Variants in MYOM3 observed in about 807,000 individuals in gnomAD.
MYOM3 encodes the protein myomesin 3.
In MYOM3, 155 loss-of-function variants were observed where a neutral mutation model predicts 191.7. That is an observed-to-expected ratio of 0.81 (90% confidence interval 0.71 to 0.92). The LOEUF (loss-of-function observed/expected upper bound fraction) is 0.92. MYOM3 is among the 40% of genes least tolerant of loss of function. MYOM3 has a pLI of 0.00. For missense variants in MYOM3, 1,889 were observed against 1,890.6 expected (o/e 1.00, Z 0.02); for synonymous variants, 757 against 762.9 (o/e 0.99, Z 0.13).
chr1:24,082,678 G>T lies in MYOM3; in HGVS notation c.2007C>A (p.Tyr669Ter). 1.9e-6 allele frequency: 3 copies of T among 1,611,562 alleles called. No individual in the cohort carries two copies. The highest frequency in any genetic ancestry group is 1.1e-5 in the South Asian group (1 of 90,498). ...CGCTGACTGACCTGACACAAAACTCGTACTCCTTCCCCGTCCTCAGCCCGG... is the reference window on the plus strand; with the variant it reads ...CGCTGACTGACCTGACACAAAACTCTTACTCCTTCCCCGTCCTCAGCCCGG... Reference protein sequence around the residue: ...TVPGLRTGKEYEFCVRSVSEA... With the variant: ...TVPGLRTGKE The change falls in exon 17 of 37, where the codon TAC becomes TAA. Residue 669 changes from tyrosine to a stop codon, truncating the protein, a stop_gained. Coordinates refer to ENST00000374434, the MANE Select transcript of MYOM3 (RefSeq NM_152372.4). LOFTEE classifies it high-confidence loss of function.
At chr1:24,083,858 T>C (rs964280698) in intron 16 of MYOM3, 49 of 152,844 alleles carry the variant, frequency 3.2e-4, no homozygotes, top group African/African-American at 1.2e-3. Context: ...GCAAGTTATG[T>C]AACCTCTCCA....
chr1:24,100,909 A>G (rs1000215079), intron 5 of MYOM3, among the ~76,000 whole-genome samples: 1 of 151,816 alleles, frequency 6.6e-6, no homozygotes, highest in South Asian at 2.1e-4. Flanking sequence ...AAAGGAAAAA[A>G]TCTCCATGTT....
intron 5 of MYOM3, among the ~76,000 whole-genome samples, chr1:24,100,959 A>T (rs1361319607): frequency 2.6e-5 from 4 of 152,002 alleles, no homozygotes; most frequent in African/African-American, 9.7e-5. Context: ...TGTATCGGAA[A>T]CTGCTAATTA....
At chr1:24,095,371 G>C in intron 8 of MYOM3, 71 bp downstream of exon 8, 1 of 1,436,780 alleles carries the variant, frequency 7.0e-7, no homozygotes. Context: ...ATTCTAAACA[G>C]GGACTGTGGG....
intron 5 of MYOM3, among the ~76,000 whole-genome samples, 199 bp downstream of exon 5, chr1:24,105,721 G>A (rs1232457167): frequency 3.9e-5 from 6 of 152,184 alleles, no homozygotes; most frequent in South Asian, 4.1e-4. Flanking sequence ...TTACTCCACT[G>A]CACACAGCAG....
chr1:24,077,245 A>G (rs1643612528), intron 20 of MYOM3, among the ~76,000 whole-genome samples: 1 of 151,626 alleles, frequency 6.6e-6, no homozygotes, highest in Non-Finnish European at 1.5e-5. Flanking sequence ...CTGCCCTGGG[A>G]CTCTTCTCCC....
At chr1:24,105,358 G>A (rs556963669) in intron 5 of MYOM3, among the ~76,000 whole-genome samples, 102 of 152,316 alleles carry the variant, frequency 6.7e-4, no homozygotes, top group African/African-American at 2.0e-3. Context: ...GGAACACAAG[G>A]TTCTCGCTAC....
Position 24,063,599 on chromosome 1 carries a change from A to C in MYOM3, c.3623-69T>G. 3 of 1,583,764 alleles carry C rather than the reference A, an allele frequency of 1.9e-6. No homozygotes were observed. The highest frequency in any genetic ancestry group is 2.6e-6 in the Non-Finnish European group (3 of 1,153,958). ...CTAGGGATGTGCTAGGAGTGGGGAC[A>C]TCCTAGAAAAAGGCTGGTGGAGCCC... On this transcript the variant is annotated intron_variant, in intron 30 of 36. Transcript: ENST00000374434. This position sits in a 1 kb window ranked among gnomAD's most constrained non-coding sequence, Gnocchi z 4.5.
In MYOM3 at chr1:24,065,639, T is replaced by C. The variant is rs911128660; in HGVS notation, c.3534+252A>G. 48 of 547,346 alleles carry C rather than the reference T, an allele frequency of 8.8e-5. No homozygotes were observed. The Middle Eastern group carries it at 2.5e-3, about 29-fold the overall frequency. 33.9% of individuals were successfully genotyped at this position (547,346 alleles called of 1,614,324 possible). The stretch of plus-strand genomic sequence containing the variant: ...AGCTAAAGAAAAAAATCAGTAATAC[T>C]GATTCTGTCTCTATTGAAAATTTGG... On this transcript the variant is annotated intron_variant, in intron 29 of 36. Coordinates refer to ENST00000374434, the MANE Select transcript of MYOM3 (RefSeq NM_152372.4).
In MYOM3 at chr1:24,097,952, G is replaced by A. The variant is rs1255660996; in HGVS notation, c.716C>T (p.Ala239Val). The change falls in exon 7 of 37, where the codon GCC (alanine) becomes GTC (valine). Residue 239 changes from alanine to valine, a missense_variant. Ala to Val is a moderately conservative substitution (Grantham distance 64, BLOSUM62 0). Transcript: ENST00000374434. The stretch of plus-strand genomic sequence containing the variant: ...GACGAGGACTTTGGCGAAGGAGGAG[G>A]CCTGGCCGTGGGCGTTCTTCACTCG... ...TVRVKNAHGQ[A>V]SSFAKVLVRT... is the part of the protein sequence containing the mutation. The A allele has an allele frequency of 1.2e-6, 2 of 1,613,914 alleles. No homozygotes were observed. Among genetic ancestry groups the A allele is most frequent in the East Asian group, 4.5e-5 (2 of 44,882 alleles).
intron 14 of MYOM3, among the ~76,000 whole-genome samples, chr1:24,089,284 C>T (rs974582521): frequency 5.9e-5 from 9 of 152,340 alleles, no homozygotes; most frequent in African/African-American, 2.2e-4. Flanking sequence ...TCATTGTTGT[C>T]TGTGTCTTGT....
In MYOM3 at chr1:24,082,714, C is replaced by T. The variant is rs1643688926; in HGVS notation, c.1971G>A (p.Arg657=). 1.9e-6 allele frequency: 3 copies of T among 1,597,622 alleles called. No individual in the cohort carries two copies. The highest frequency in any genetic ancestry group is 1.8e-5 in the Admixed American group (1 of 56,354). The change falls in exon 17 of 37, where the codon AGG becomes AGA. Residue 657 remains arginine (R), a splice_region_variant and synonymous_variant. Transcript: ENST00000374434. ...TVNNKPIQGT[R]FTVPGLRTGK... is the part of the protein sequence containing the mutation. Reference sequence around the variant, plus strand: ...CCGTCCTCAGCCCGGGAACTGTAAACCTGGGAGAGAAATGTGCAGCTTTCA... The same window carrying T: ...CCGTCCTCAGCCCGGGAACTGTAAATCTGGGAGAGAAATGTGCAGCTTTCA...
intron 7 of MYOM3, 133 bp downstream of exon 7, chr1:24,097,790 T>C: frequency 1.4e-6 from 1 of 729,930 alleles, no homozygotes; most frequent in Non-Finnish European, 2.5e-6. Context: ...AGGGCTGCCC[T>C]GGTCACCCAA....
At position 24,104,484 on chromosome 1, in the gene MYOM3, C is replaced by CT. The variant is rs1029746063; in HGVS notation, c.560+1435dup. On this transcript the variant is annotated intron_variant, in intron 5 of 36. Coordinates refer to ENST00000374434, the MANE Select transcript of MYOM3 (RefSeq NM_152372.4). ...GAGATTGTGTCTGGTTATTTCTTTT[C>CT]TTTTTTTTTGAGACAGAGTCCTGTT... 5.9e-5 allele frequency among the ~76,000 whole-genome samples: 9 copies of CT among 151,330 alleles called. No homozygotes were observed. In the South Asian group the frequency reaches 6.3e-4, roughly 11 times the overall value.
Position 24,086,551 on chromosome 1 carries a change from A to G in MYOM3, c.1798+93T>C, listed in dbSNP as rs552548045. On this transcript the variant is annotated intron_variant, in intron 15 of 36. Coordinates refer to ENST00000374434, the MANE Select transcript of MYOM3 (RefSeq NM_152372.4). ...TCATGATGGGTAGAAGGGAGCGGGGACAGGGAAGTGGGCAGGGCTTTGTCC... is the reference window on the plus strand; with the variant it reads ...TCATGATGGGTAGAAGGGAGCGGGGGCAGGGAAGTGGGCAGGGCTTTGTCC... 28 of 1,295,214 alleles carry G rather than the reference A, an allele frequency of 2.2e-5. No individual in the cohort carries two copies. The South Asian group carries it at 3.7e-4, about 17-fold the overall frequency. 80.2% of individuals were successfully genotyped at this position (1,295,214 alleles called of 1,614,324 possible). A position where few individuals can be genotyped will look rare whatever the true frequency, so the allele number is the denominator to read the frequency against.
chr1:24,075,665 C>T (rs985947872), intron 21 of MYOM3, among the ~76,000 whole-genome samples, 190 bp from the exon 22 acceptor site: 4 of 152,152 alleles, frequency 2.6e-5, no homozygotes, highest in Admixed American at 6.5e-5. Flanking sequence ...CAGAGAGGCC[C>T]TCCTTGACTG....
chr1:24,062,176 A>C (rs1305662258), intron 32 of MYOM3, 67 bp from the exon 33 acceptor site: 1 of 1,580,474 alleles, frequency 6.3e-7, no homozygotes, highest in Non-Finnish European at 8.6e-7. Flanking sequence ...CCGTGCCCCA[A>C]AATCCTCTCC....
At chr1:24,061,430 A>G (rs1404951600) in intron 33 of MYOM3, 121 bp from the exon 34 acceptor site, 14 of 1,010,950 alleles carry the variant, frequency 1.4e-5, no homozygotes, top group Admixed American at 6.1e-5. Flanking sequence ...CCCCATGCCG[A>G]TGTTTCTTTG....
chr1:24,094,522 T>C (rs1321321997), intron 9 of MYOM3, among the ~76,000 whole-genome samples: 2 of 152,094 alleles, frequency 1.3e-5, no homozygotes, highest in Non-Finnish European at 2.9e-5. Flanking sequence ...AGCAGGTGCC[T>C]GGTCAGTGCC....
Sources: allele counts gnomAD v4.1 joint callset (sites outside exome capture counted in the v4.1 genomes callset), GRCh38; gene constraint gnomAD v4.1.1; non-coding constraint Gnocchi (gnomAD v3.1); transcripts MANE v1.5; gene names NCBI Gene and HGNC (gene_info 2026-07-23, HGNC 2026-07-21).